Variants in MGAT4C observed in about 807,000 individuals in gnomAD.
The protein encoded by MGAT4C is alpha-1,3-mannosyl-glycoprotein 4-beta-N-acetylglucosaminyltransferase C.
In MGAT4C, 19 loss-of-function variants were observed where a neutral mutation model predicts 40.1. That is an observed-to-expected ratio of 0.47 (90% confidence interval 0.33 to 0.70). MGAT4C has a LOEUF of 0.70. Ranked by LOEUF, MGAT4C falls within the 30% of genes least tolerant of loss-of-function variation. The pLI is 0.02. For missense variants in MGAT4C, 491 were observed against 563.2 expected (o/e 0.87, Z 1.30); for synonymous variants, 181 against 187.1 (o/e 0.97, Z 0.27).
chr12:86,521,560 ATTTG>A (rs935445932), intron 2 of MGAT4C, among the ~76,000 whole-genome samples: 10 of 151,478 alleles, frequency 6.6e-5, no homozygotes, highest in Middle Eastern at 3.4e-3. Context: ...CAGGCTTCGT[ATTTG>A]TTTGTTTGTT....
chr12:86,060,238 A>G (rs1893808206), intron 1 of MGAT4C, among the ~76,000 whole-genome samples: 2 of 152,210 alleles, frequency 1.3e-5, no homozygotes, highest in South Asian at 2.1e-4. Context: ...TTGAAAGGAT[A>G]AAGAATTGTT....
At chr12:86,774,315 C>CTTTCTTTCTTTCT (rs1555227764) in intron 1 of MGAT4C, among the ~76,000 whole-genome samples, 11 of 59,328 alleles carry the variant, frequency 1.9e-4, no homozygotes, top group African/African-American at 5.4e-4. Flanking sequence ...TTCTTTCTTT[C>CTTTCTTTCTTTCT]TTTCTTTCTT....
At chr12:86,301,365 C>T (rs1953807115) in intron 4 of MGAT4C, among the ~76,000 whole-genome samples, 1 of 152,144 alleles carries the variant, frequency 6.6e-6, no homozygotes, top group African/African-American at 2.4e-5. Context: ...TCCTTGTTTA[C>T]ATTACCAATT....
chr12:86,360,444 C>T (rs529498016), intron 3 of MGAT4C, among the ~76,000 whole-genome samples: 7 of 152,304 alleles, frequency 4.6e-5, no homozygotes, highest in African/African-American at 1.7e-4. Flanking sequence ...GATGCCCTCT[C>T]TCACCACTTC....
chr12:86,428,847 TTCTC>T (rs768070573), intron 3 of MGAT4C, among the ~76,000 whole-genome samples: 1 of 152,106 alleles, frequency 6.6e-6, no homozygotes, highest in Non-Finnish European at 1.5e-5. Flanking sequence ...TATTTGAGTT[TTCTC>T]TCTTTTTTAG....
chr12:86,803,183 A>C (rs891752742), intron 1 of MGAT4C, among the ~76,000 whole-genome samples: 12 of 150,460 alleles, frequency 8.0e-5, no homozygotes, highest in East Asian at 1.9e-4. Context: ...CCTATTTAAT[A>C]AATGGTGCTG....
intron 1 of MGAT4C, among the ~76,000 whole-genome samples, chr12:86,126,212 T>C (rs1880229308): frequency 6.6e-6 from 1 of 151,974 alleles, no homozygotes; most frequent in Admixed American, 6.6e-5. Context: ...ATATTTAATA[T>C]TGAATAAAGA....
intron 2 of MGAT4C, among the ~76,000 whole-genome samples, chr12:86,464,768 AATATTTCT>A (rs2136298604): frequency 6.6e-6 from 1 of 152,280 alleles, no homozygotes; most frequent in East Asian, 1.9e-4. Context: ...AAAGTATATT[AATATTTCT>A]ATATTAACTA....
chr12:86,172,497 T>C (rs1886958655), intron 1 of MGAT4C, among the ~76,000 whole-genome samples: 1 of 152,142 alleles, frequency 6.6e-6, no homozygotes, highest in Non-Finnish European at 1.5e-5. Context: ...CTCATTTTTT[T>C]CTTTTATTTT....
At chr12:86,361,904 C>T (rs1167262569) in intron 3 of MGAT4C, among the ~76,000 whole-genome samples, 1 of 152,178 alleles carries the variant, frequency 6.6e-6, no homozygotes, top group African/African-American at 2.4e-5. Context: ...TAAACTAGTT[C>T]AACCATTGTG....
At chr12:86,732,081 C>A (rs149447520) in intron 1 of MGAT4C, among the ~76,000 whole-genome samples, 1 of 152,116 alleles carries the variant, frequency 6.6e-6, no homozygotes, top group Admixed American at 6.5e-5. Context: ...CTCTCTATAC[C>A]TTGTGCTTTG....
intron 1 of MGAT4C, among the ~76,000 whole-genome samples, chr12:86,060,300 T>TAAAC (rs1056986522): frequency 4.6e-5 from 7 of 152,216 alleles, no homozygotes; most frequent in Admixed American, 4.6e-4. Context: ...TTTGTTTATG[T>TAAAC]AAACAATAAA....
chr12:86,826,655 G>A (rs1254666308), intron 1 of MGAT4C, among the ~76,000 whole-genome samples: 1 of 151,218 alleles, frequency 6.6e-6, no homozygotes, highest in Non-Finnish European at 1.5e-5. Flanking sequence ...CAGAAATCAT[G>A]GTTCGTTGGG....
chr12:86,829,836 C>T (rs532103923), intron 1 of MGAT4C, among the ~76,000 whole-genome samples: 2 of 149,870 alleles, frequency 1.3e-5, no homozygotes, highest in African/African-American at 4.9e-5. Flanking sequence ...CTCACAATAA[C>T]TTGACTATTT....
intron 3 of MGAT4C, among the ~76,000 whole-genome samples, chr12:86,416,817 C>T (rs191211194): frequency 6.6e-6 from 1 of 152,196 alleles, no homozygotes; most frequent in East Asian, 1.9e-4. Flanking sequence ...GTATCTACAG[C>T]TGTAACTTCA....
chr12:86,021,947 T>C (rs935354783), intron 2 of MGAT4C, among the ~76,000 whole-genome samples: 1 of 152,214 alleles, frequency 6.6e-6, no homozygotes, highest in Non-Finnish European at 1.5e-5. Context: ...TTTGGGTGGA[T>C]TTAATGCATA....
chr12:86,542,186 T>A (rs989859475), intron 2 of MGAT4C, among the ~76,000 whole-genome samples: 2 of 152,186 alleles, frequency 1.3e-5, no homozygotes, highest in African/African-American at 4.8e-5. Context: ...CTCAGTGATA[T>A]TTTAACAAGC....
chr12:86,115,976 T>C (rs1878348086), intron 1 of MGAT4C, among the ~76,000 whole-genome samples: 1 of 152,084 alleles, frequency 6.6e-6, no homozygotes, highest in African/African-American at 2.4e-5. Flanking sequence ...TTTCAACGTA[T>C]GAATTTTGGG....
chr12:85,980,250 T>C lies in MGAT4C; in HGVS notation c.476A>G (p.Lys159Arg). Residue 159 changes from lysine to arginine, a missense_variant, in exon 5 of 5, where the codon AAA becomes AGA. By Grantham distance (26) the Lys-to-Arg change is conservative. Transcript: ENST00000611864. ...RDAMVQDITQ[K>R]FAHHIIAGRL... ...TCCTGCAATAATATGGTGCGCAAAT[T>C]TCTGTGTAATATCCTGGACCATGGC... The C allele has an allele frequency of 6.2e-7, 1 of 1,613,952 alleles. No individual in the cohort carries two copies. The highest frequency in any genetic ancestry group is 8.5e-7 in the Non-Finnish European group (1 of 1,179,908).
Sources: gnomAD v4.1 joint callset for allele counts (sites outside exome capture counted in the v4.1 genomes callset) on GRCh38, gnomAD v4.1.1 for gene constraint, MANE v1.5 for transcripts, NCBI Gene and HGNC (gene_info 2026-07-23, HGNC 2026-07-21) for gene names.